The following NFIA variants were observed in gnomAD, a reference collection of about 807,000 sequenced individuals.
The protein encoded by NFIA is nuclear factor I A.
In NFIA, 8 loss-of-function variants were observed where a neutral mutation model predicts 62.8. The observed-to-expected ratio is 0.13, with a 90% CI of 0.07 to 0.23. The LOEUF (loss-of-function observed/expected upper bound fraction) is 0.23, where lower values mean the gene tolerates loss of function less well. NFIA is among the 10% of genes least tolerant of loss of function. The probability of loss-of-function intolerance (pLI) is 1.00; values close to 1 mark genes in which losing one functional copy is unlikely to be tolerated. For synonymous variants in NFIA, 235 were observed against 238.1 expected (o/e 0.99, Z 0.12); for missense variants, 410 against 642.1 (o/e 0.64, Z 3.91).
At chr1:61,306,194 C>T in intron 3 of NFIA, among the ~76,000 whole-genome samples, 1 of 150,314 alleles carries the variant, frequency 6.7e-6, no homozygotes, top group Non-Finnish European at 1.5e-5. Flanking sequence ...CTTTTTGCTT[C>T]TCTCACTTCT....
At chr1:61,112,809 TAACA>T (rs1254057213) in intron 2 of NFIA, among the ~76,000 whole-genome samples, 1 of 152,190 alleles carries the variant, frequency 6.6e-6, no homozygotes, top group Non-Finnish European at 1.5e-5. Context: ...TTTGTAGGCC[TAACA>T]TTCATTTCAT....
chr1:61,245,607 G>A (rs933454443), intron 2 of NFIA, among the ~76,000 whole-genome samples: 1 of 151,988 alleles, frequency 6.6e-6, no homozygotes, highest in African/African-American at 2.4e-5. Context: ...ATTCTACAAA[G>A]GTCAGTGGTT....
At chr1:61,346,871 G>A (rs1662255626) in intron 4 of NFIA, among the ~76,000 whole-genome samples, 1 of 152,290 alleles carries the variant, frequency 6.6e-6, no homozygotes. Context: ...ATGGCAGAAG[G>A]CACCTCTTCA....
At chr1:61,364,190 C>T (rs2100452543) in intron 6 of NFIA, among the ~76,000 whole-genome samples, 1 of 152,240 alleles carries the variant, frequency 6.6e-6, no homozygotes, top group Middle Eastern at 3.4e-3. Flanking sequence ...AAGTGATCCT[C>T]CTGCCTCAGC....
At chr1:61,238,261 G>T (rs928186517) in intron 2 of NFIA, among the ~76,000 whole-genome samples, 1 of 152,156 alleles carries the variant, frequency 6.6e-6, no homozygotes. Flanking sequence ...TGGAATTTGG[G>T]AGTAAGTGGG....
upstream of NFIA, among the ~76,000 whole-genome samples, chr1:61,079,706 C>T (rs1427016160): frequency 6.6e-6 from 1 of 152,212 alleles, no homozygotes; most frequent in African/African-American, 2.4e-5. Context: ...GCTCTCTCTA[C>T]TATCCTTTCT....
intron 2 of NFIA, among the ~76,000 whole-genome samples, chr1:61,274,085 T>C (rs1214557998): frequency 6.6e-6 from 1 of 152,190 alleles, no homozygotes; most frequent in Non-Finnish European, 1.5e-5. Context: ...GAGACAAATA[T>C]GTAGGCATCA....
At chr1:61,299,740 C>T (rs1659394141) in intron 3 of NFIA, among the ~76,000 whole-genome samples, 2 of 152,136 alleles carry the variant, frequency 1.3e-5, no homozygotes, top group Non-Finnish European at 2.9e-5. Flanking sequence ...CTGTTTTTAA[C>T]CTCCTTTTAG....
chr1:61,300,787 G>T (rs1659457116), intron 3 of NFIA, among the ~76,000 whole-genome samples: 1 of 151,908 alleles, frequency 6.6e-6, no homozygotes, highest in Non-Finnish European at 1.5e-5. Context: ...TATACACATA[G>T]AGGTACATAC....
rs562594816 is a variant in NFIA at position 61,458,873 on chromosome 1, T to A, written c.*3553T>A. The A allele has an allele frequency of 6.6e-6, 1 of 152,334 alleles. No homozygotes were observed. Among genetic ancestry groups the A allele is most frequent in the East Asian group, 1.9e-4 (1 of 5,184 alleles). 9.4% of individuals were successfully genotyped at this position (152,334 alleles called of 1,614,324 possible). ...TGATGAAGCTAAAATTAGGGAACTC[T>A]GAACAGATTTGCAGGAAAAAATGTT... is the stretch of plus-strand genomic sequence containing the variant. On this transcript the variant is annotated 3_prime_UTR_variant, in exon 11 of 11. Transcript: ENST00000403491.
intron 7 of NFIA, among the ~76,000 whole-genome samples, chr1:61,391,248 A>G (rs1664961221): frequency 6.6e-6 from 1 of 151,994 alleles, no homozygotes; most frequent in Non-Finnish European, 1.5e-5. Flanking sequence ...TTTTTTGTAG[A>G]GACAGGGTCT....
At chr1:61,318,858 G>A (rs899807327) in intron 3 of NFIA, among the ~76,000 whole-genome samples, 6 of 152,128 alleles carry the variant, frequency 3.9e-5, no homozygotes, top group East Asian at 1.9e-4. Context: ...ACCTTCTACC[G>A]AAGCTAATTT....
chr1:61,452,536 C>T (rs1246449238), intron 10 of NFIA, among the ~76,000 whole-genome samples: 1 of 152,094 alleles, frequency 6.6e-6, no homozygotes, highest in African/African-American at 2.4e-5. Context: ...TTATTAAAGA[C>T]CCCCAACCTC....
chr1:61,218,522 C>T (rs976111678), intron 2 of NFIA, among the ~76,000 whole-genome samples: 5 of 152,032 alleles, frequency 3.3e-5, no homozygotes, highest in African/African-American at 9.7e-5. Context: ...TTGAAAATAC[C>T]GTCATCACGT....
chr1:61,351,414 A>T (rs1335907630), intron 4 of NFIA, among the ~76,000 whole-genome samples: 1 of 152,160 alleles, frequency 6.6e-6, no homozygotes, highest in Non-Finnish European at 1.5e-5. Context: ...CTTCTGATGG[A>T]TACTAACCTG....
intron 2 of NFIA, among the ~76,000 whole-genome samples, chr1:61,246,763 G>A (rs750632872): frequency 9.2e-5 from 14 of 152,154 alleles, no homozygotes; most frequent in African/African-American, 1.4e-4. Context: ...AACGTGTACC[G>A]AGTACTTACT....
chr1:61,404,403 A>C, intron 8 of NFIA, 121 bp downstream of exon 8: 1 of 999,876 alleles, frequency 1.0e-6, no homozygotes, highest in South Asian at 1.8e-5. Flanking sequence ...ACTGCAGGCA[A>C]ATGTCATATT....
chr1:61,091,376 A>G (rs1206835733), intron 2 of NFIA, among the ~76,000 whole-genome samples: 2 of 152,120 alleles, frequency 1.3e-5, no homozygotes, highest in Admixed American at 6.6e-5. Flanking sequence ...ATTTATTCTA[A>G]GACTTATTGA....
intron 2 of NFIA, among the ~76,000 whole-genome samples, chr1:61,204,035 G>A (rs1258202543): frequency 2.6e-5 from 4 of 152,192 alleles, no homozygotes; most frequent in Non-Finnish European, 5.9e-5. Flanking sequence ...TCCAGGTGTT[G>A]CTGTGACTTC....
Sources: allele counts gnomAD v4.1 joint callset (sites outside exome capture counted in the v4.1 genomes callset), GRCh38; gene constraint gnomAD v4.1.1; transcripts MANE v1.5; gene names NCBI Gene and HGNC (gene_info 2026-07-23, HGNC 2026-07-21).